The following STXBP5 variants were observed in gnomAD, a reference collection of about 807,000 sequenced individuals.
STXBP5 encodes syntaxin-binding protein 5.
Under a neutral mutation model 152.4 loss-of-function variants are expected in STXBP5, and 50 were observed. The observed-to-expected ratio is 0.33, with a 90% CI of 0.26 to 0.42. STXBP5 has a LOEUF of 0.42. Among genes scored for constraint, STXBP5 ranks in the 10% least tolerant of loss-of-function variants. STXBP5 has a pLI of 1.00. For synonymous variants in STXBP5, 492 were observed against 494.7 expected (o/e 0.99, Z 0.07); for missense variants, 1,167 against 1,388.6 (o/e 0.84, Z 2.54).
intron 11 of STXBP5, among the ~76,000 whole-genome samples, chr6:147,312,466 C>T (rs1051514271): frequency 3.9e-5 from 6 of 152,094 alleles, no homozygotes; most frequent in African/African-American, 1.4e-4. Flanking sequence ...GCATTCCCTG[C>T]CCCCAGCCCC....
At chr6:147,236,782 T>TA (rs1778295694) in intron 3 of STXBP5, among the ~76,000 whole-genome samples, 1 of 150,956 alleles carries the variant, frequency 6.6e-6, no homozygotes, top group Non-Finnish European at 1.5e-5. Context: ...TTCTGTCTTT[T>TA]TTTTTTTTTT....
chr6:147,299,281 A>C (rs1781687469), intron 9 of STXBP5, among the ~76,000 whole-genome samples: 1 of 151,600 alleles, frequency 6.6e-6, no homozygotes, highest in Admixed American at 6.6e-5. Context: ...TTCTGGGCAC[A>C]TACAGCCTAC....
intron 2 of STXBP5, among the ~76,000 whole-genome samples, chr6:147,209,563 T>G (rs1483389492): frequency 6.6e-6 from 1 of 152,136 alleles, no homozygotes; most frequent in Non-Finnish European, 1.5e-5. Context: ...AAGGAAGAAT[T>G]TTATGATTTC....
chr6:147,260,967 A>G (rs992589763), intron 5 of STXBP5, among the ~76,000 whole-genome samples: 1 of 152,092 alleles, frequency 6.6e-6, no homozygotes, highest in East Asian at 1.9e-4. Context: ...TGCACATTAC[A>G]TATGTATATA....
chr6:147,248,572 C>G (rs1778932944), intron 4 of STXBP5, among the ~76,000 whole-genome samples: 1 of 152,060 alleles, frequency 6.6e-6, no homozygotes, highest in African/African-American at 2.4e-5. Context: ...TCATAACTTA[C>G]TGATGTGAAT....
At chr6:147,357,731 T>G (rs2128410612) in intron 22 of STXBP5, among the ~76,000 whole-genome samples, 1 of 152,122 alleles carries the variant, frequency 6.6e-6, no homozygotes. Flanking sequence ...ATCAGATGTA[T>G]AGGTCAAATG....
At chr6:147,242,545 A>G (rs937471006) in intron 4 of STXBP5, among the ~76,000 whole-genome samples, 5 of 152,192 alleles carry the variant, frequency 3.3e-5, no homozygotes, top group Admixed American at 1.3e-4. Context: ...ACTGCCCTCT[A>G]TAGGTGTACT....
intron 2 of STXBP5, among the ~76,000 whole-genome samples, chr6:147,215,677 G>A (rs550221176): frequency 8.5e-5 from 13 of 152,150 alleles, no homozygotes; most frequent in South Asian, 2.1e-4. Context: ...CCACTGCGCC[G>A]AGCCAATTTT....
At chr6:147,339,418 C>T in intron 21 of STXBP5, 34 bp downstream of exon 21, 2 of 1,448,034 alleles carry the variant, frequency 1.4e-6, no homozygotes, top group Non-Finnish European at 1.8e-6. Context: ...TGTTTCTAAT[C>T]CTTGCTATAT....
intron 23 of STXBP5, among the ~76,000 whole-genome samples, chr6:147,362,621 T>C (rs1470973109): frequency 1.3e-5 from 2 of 152,210 alleles, no homozygotes; most frequent in African/African-American, 4.8e-5. Flanking sequence ...TGTGTGAATT[T>C]TTTTTCATTG....
At chr6:147,328,934 A>G (rs1256938123) in intron 18 of STXBP5, among the ~76,000 whole-genome samples, 5 of 152,196 alleles carry the variant, frequency 3.3e-5, no homozygotes, top group East Asian at 3.8e-4. Context: ...GAAAACAGCT[A>G]TTTAAATACT....
At chr6:147,222,039 C>G (rs1777487374) in intron 2 of STXBP5, among the ~76,000 whole-genome samples, 1 of 151,986 alleles carries the variant, frequency 6.6e-6, no homozygotes, top group African/African-American at 2.4e-5. Flanking sequence ...GTCCAGACTA[C>G]TATGGAGTCT....
chr6:147,250,748 T>A (rs1319889931), intron 4 of STXBP5, among the ~76,000 whole-genome samples: 1 of 151,946 alleles, frequency 6.6e-6, no homozygotes, highest in East Asian at 1.9e-4. Context: ...ATCATGACAG[T>A]TCTGCTGTTT....
chr6:147,235,168 A>G, intron 2 of STXBP5, 82 bp from the exon 3 acceptor site: 1 of 1,205,316 alleles, frequency 8.3e-7, no homozygotes, highest in Non-Finnish European at 1.2e-6. Context: ...GGTCATTGGA[A>G]TATTTATCAG....
At chr6:147,361,341 C>G (rs1037741943) in intron 23 of STXBP5, among the ~76,000 whole-genome samples, 6 of 152,110 alleles carry the variant, frequency 3.9e-5, no homozygotes, top group African/African-American at 1.4e-4. Context: ...ATTTAGTATA[C>G]TTTCCAACTT....
intron 2 of STXBP5, among the ~76,000 whole-genome samples, chr6:147,209,141 T>G (rs942231983): frequency 6.6e-6 from 1 of 152,102 alleles, no homozygotes; most frequent in African/African-American, 2.4e-5. Flanking sequence ...CTAAACACAA[T>G]GAGGTCATTA....
intron 11 of STXBP5, among the ~76,000 whole-genome samples, chr6:147,312,129 A>G (rs1782411837): frequency 6.6e-6 from 1 of 152,168 alleles, no homozygotes; most frequent in Non-Finnish European, 1.5e-5. Flanking sequence ...TGTAATTCCC[A>G]ATACCTGAAA....
chr6:147,283,515 A>T (rs961984455), intron 8 of STXBP5, among the ~76,000 whole-genome samples: 2 of 152,306 alleles, frequency 1.3e-5, no homozygotes, highest in East Asian at 3.9e-4. Context: ...GCAGGCAGGT[A>T]TTCTGAAACA....
intron 22 of STXBP5, among the ~76,000 whole-genome samples, chr6:147,356,808 A>T (rs1784835507): frequency 6.6e-6 from 1 of 152,164 alleles, no homozygotes; most frequent in African/African-American, 2.4e-5. Flanking sequence ...ACAACTTAGA[A>T]TTTAACATGT....
Sources: gnomAD v4.1 joint callset for allele counts (sites outside exome capture counted in the v4.1 genomes callset) on GRCh38, gnomAD v4.1.1 for gene constraint, MANE v1.5 for transcripts, NCBI Gene and HGNC (gene_info 2026-07-23, HGNC 2026-07-21) for gene names.